MTCH2: variants seen among roughly 807,000 people sequenced by gnomAD.
MTCH2 encodes mitochondrial carrier homolog 2.
A neutral mutation model predicts 50.6 loss-of-function variants in MTCH2; 25 were observed. That is an observed-to-expected ratio of 0.49 (90% CI 0.36 to 0.69). The LOEUF is 0.69. Ranked by LOEUF, MTCH2 falls within the 30% of genes least tolerant of loss-of-function variation. The pLI is 0.00. For synonymous variants in MTCH2, 106 were observed against 132.0 expected, an observed-to-expected ratio of 0.80 and a Z score of 1.35; for missense variants, 273 against 384.4, an observed-to-expected ratio of 0.71 and a Z score of 2.42.
chr11:47,617,222 C>G (rs2097288984), downstream of MTCH2: 1 of 152,158 alleles, frequency 6.6e-6, no homozygotes, highest in Non-Finnish European at 1.5e-5. Context: ...CCTTGGCGTC[C>G]TCTGGTGGTA....
the MTCH2 span, among the ~76,000 whole-genome samples, chr11:47,607,892 C>T: frequency 6.6e-6 from 1 of 152,198 alleles, no homozygotes; most frequent in Non-Finnish European, 1.5e-5. Flanking sequence ...AATGTTGATC[C>T]TTTCATTATT....
intron 5 of MTCH2, 71 bp from the exon 6 acceptor site, chr11:47,631,782 G>A: frequency 6.6e-7 from 1 of 1,518,976 alleles, no homozygotes; most frequent in Non-Finnish European, 9.1e-7. Context: ...AAGGAATGTG[G>A]GTGGATATCG....
rs745787360 is a variant in MTCH2, at chr11:47,627,045, T to C, written c.681+35A>G. 3.2e-5 allele frequency: 48 copies of C among 1,501,776 alleles called. 1 individual carries two copies. In the Middle Eastern group the frequency reaches 1.2e-3, roughly 38 times the overall value. 93.0% of individuals were successfully genotyped at this position (1,501,776 alleles called of 1,614,324 possible). The stretch of plus-strand genomic sequence containing the variant: ...AGGAAAACAAAACAAAACACAACTA[T>C]TCCTAGAAGGTTAAAAGGATTTTAA... On this transcript the variant is annotated intron_variant, in intron 10 of 12. Coordinates refer to ENST00000302503, the MANE Select transcript of MTCH2 (RefSeq NM_014342.4).
Position 47,622,780 on chromosome 11 carries a change from A to T in MTCH2, c.750-4T>A. 1 of 1,253,242 alleles carries T rather than the reference A, an allele frequency of 8.0e-7. No homozygotes were observed. 77.6% of individuals were successfully genotyped at this position (1,253,242 alleles called of 1,614,324 possible). A position where few individuals can be genotyped will look rare whatever the true frequency, so the allele number is the denominator to read the frequency against. On this transcript the variant is annotated splice_region_variant and splice_polypyrimidine_tract_variant and intron_variant, in intron 11 of 12. Transcript: ENST00000302503. ...AGGAGGGCATCCACCAGCAAGACTA[A>T]AATAGAAAAAAACATGGAGCTATTC... is the stretch of plus-strand genomic sequence containing the variant.
At chr11:47,631,557 A>G (rs2097303052) in intron 6 of MTCH2, 97 bp downstream of exon 6, 1 of 1,171,366 alleles carries the variant, frequency 8.5e-7, no homozygotes. Flanking sequence ...AAAAACATGC[A>G]GGCAAGGCAT....
At chr11:47,636,507 G>A (rs896514803) in intron 3 of MTCH2, among the ~76,000 whole-genome samples, 7 of 151,676 alleles carry the variant, frequency 4.6e-5, no homozygotes, top group East Asian at 3.9e-4. Context: ...TGAGGCAGGC[G>A]GATCACCTGA....
At chr11:47,631,142 C>T in intron 6 of MTCH2, 55 bp from the exon 7 acceptor site, 5 of 1,448,454 alleles carry the variant, frequency 3.5e-6, no homozygotes, top group Non-Finnish European at 4.8e-6. Context: ...GGTGCGGTGG[C>T]TCACACCTGT....
intron 3 of MTCH2, among the ~76,000 whole-genome samples, chr11:47,637,036 C>A (rs982523708): frequency 6.7e-6 from 1 of 150,074 alleles, no homozygotes; most frequent in Non-Finnish European, 1.5e-5. Flanking sequence ...CGGCTCACTG[C>A]TGGAGTGCAA....
At chr11:47,642,080 A>AC (rs2097314719) in intron 1 of MTCH2, among the ~76,000 whole-genome samples, 1 of 152,142 alleles carries the variant, frequency 6.6e-6, no homozygotes, top group South Asian at 2.1e-4. Context: ...GCCAGGATCC[A>AC]CCTCAGTGAC....
rs1286250604 is a variant in MTCH2, at chr11:47,625,738, A to C, written c.685T>G (p.Phe229Val). 1 of 1,611,796 alleles carries C rather than the reference A, an allele frequency of 6.2e-7. No individual in the cohort carries two copies. The highest frequency in any genetic ancestry group is 1.3e-5 in the African/African-American group (1 of 74,870). Reference protein sequence around the residue: ...KSYSQAVTGFFASMLTYPFVL... With the variant: ...KSYSQAVTGFVASMLTYPFVL... ...AAGGGATAGGTCAACATACTCGCAA[A>C]AAACTGTAAAATGGAAACAAGGCAG... Residue 229 changes from phenylalanine to valine, a missense_variant, in exon 11 of 13, where the codon TTT (phenylalanine) becomes GTT (valine). Transcript: ENST00000302503.
chr11:47,612,911 C>A (rs2097286372), downstream of MTCH2, among the ~76,000 whole-genome samples: 1 of 151,896 alleles, frequency 6.6e-6, no homozygotes, highest in African/African-American at 2.4e-5. Flanking sequence ...TCACATGTGA[C>A]TTTTTCCTTT....
At position 47,618,788 on chromosome 11, in the gene MTCH2, G is replaced by A. The variant is rs368673666; in HGVS notation, c.*45C>T. On this transcript the variant is annotated 3_prime_UTR_variant, in exon 13 of 13. Coordinates refer to ENST00000302503, the MANE Select transcript of MTCH2 (RefSeq NM_014342.4). The stretch of plus-strand genomic sequence containing the variant: ...AATCAACATTCTCTCCCATAATTCT[G>A]TGCATCTGGGACTACAGAAATGTCA... The A allele has an allele frequency of 7.8e-5, 119 of 1,523,404 alleles. No homozygotes were observed. The highest frequency in any genetic ancestry group is 9.8e-5 in the Non-Finnish European group (108 of 1,097,504). 94.4% of individuals were successfully genotyped at this position (1,523,404 alleles called of 1,614,324 possible).
downstream of MTCH2, among the ~76,000 whole-genome samples, chr11:47,613,668 C>T (rs2097286787): frequency 6.6e-6 from 1 of 152,190 alleles, no homozygotes; most frequent in African/African-American, 2.4e-5. Flanking sequence ...GTTGTTTCCG[C>T]TATTTATAAT....
intron 6 of MTCH2, 139 bp downstream of exon 6, chr11:47,631,515 A>C: frequency 1.3e-6 from 1 of 755,404 alleles, no homozygotes; most frequent in Non-Finnish European, 2.2e-6. Flanking sequence ...TATCTGGATA[A>C]ATTGGATAAA....
At chr11:47,609,142 A>AAG in the MTCH2 span, among the ~76,000 whole-genome samples, 1 of 146,902 alleles carries the variant, frequency 6.8e-6, no homozygotes, top group African/African-American at 2.5e-5. Context: ...AAAAAAAAAA[A>AAG]AAAAGAAAAA....
intron 9 of MTCH2, among the ~76,000 whole-genome samples, chr11:47,628,724 A>G (rs750077944): frequency 2.0e-4 from 31 of 152,092 alleles, no homozygotes; most frequent in Non-Finnish European, 3.4e-4. Context: ...ATAGGCACGC[A>G]CCACCACGCC....
intron 3 of MTCH2, among the ~76,000 whole-genome samples, chr11:47,636,128 A>G (rs1159797774): frequency 1.3e-5 from 2 of 151,802 alleles, no homozygotes; most frequent in Admixed American, 6.6e-5. Context: ...AGTCCGTCTC[A>G]AGAAAAAAAA....
In MTCH2 at chr11:47,642,556, C is replaced by T; in HGVS notation, c.-91G>A. The T allele has an allele frequency of 8.5e-7, 1 of 1,170,852 alleles. No individual in the cohort carries two copies. The allele number at this position is 1,170,852 out of a possible 1,614,324, so 72.5% of individuals were successfully genotyped here. A position where few individuals can be genotyped will look rare whatever the true frequency, so the allele number is the denominator to read the frequency against. On this transcript the variant is annotated 5_prime_UTR_variant, in exon 1 of 13. Coordinates refer to ENST00000302503, the MANE Select transcript of MTCH2 (RefSeq NM_014342.4). ...GGTCACGTGCCAGGGCCGCCGGTTT[C>T]ACTGGCCCGCCCGCGGCGCGCGCGC...
chr11:47,625,191 C>T (rs563707763), intron 11 of MTCH2, among the ~76,000 whole-genome samples: 286 of 151,930 alleles, frequency 1.9e-3, no homozygotes, highest in African/African-American at 6.7e-3. Context: ...GAGACTGAGG[C>T]GGGTGGATCA....
Sources: allele counts gnomAD v4.1 joint callset (sites outside exome capture counted in the v4.1 genomes callset), GRCh38; gene constraint gnomAD v4.1.1; transcripts MANE v1.5; gene names NCBI Gene and HGNC (gene_info 2026-07-23, HGNC 2026-07-21).